GLT8D2: variants seen among roughly 807,000 people sequenced by gnomAD.
The protein encoded by GLT8D2 is glycosyltransferase 8 domain containing 2.
GLT8D2 carries 45 observed loss-of-function variants against 44.5 expected under a neutral mutation model. The observed-to-expected ratio is 1.01, with a 90% CI of 0.80 to 1.30. The LOEUF is 1.30. GLT8D2 is among the 50% of genes most tolerant of loss of function. GLT8D2 has a pLI of 0.00. For missense variants in GLT8D2, 400 were observed against 430.4 expected (o/e 0.93, Z 0.62); for synonymous variants, 156 against 157.2 (o/e 0.99, Z 0.06).
intron 3 of GLT8D2, among the ~76,000 whole-genome samples, chr12:104,017,945 T>C (rs1316583267): frequency 6.6e-6 from 1 of 152,184 alleles, no homozygotes; most frequent in African/African-American, 2.4e-5. Context: ...CAAATGGTTA[T>C]GCATCATTGT....
chr12:104,019,481 G>T, intron 3 of GLT8D2, 149 bp downstream of exon 3: 1 of 659,550 alleles, frequency 1.5e-6, no homozygotes, highest in Non-Finnish European at 2.7e-6. Flanking sequence ...GAATCATCTG[G>T]AAATGATGAT....
intron 1 of GLT8D2, among the ~76,000 whole-genome samples, chr12:104,022,694 T>C (rs1220805248): frequency 6.6e-6 from 1 of 152,044 alleles, no homozygotes; most frequent in African/African-American, 2.4e-5. Context: ...CTACAGAATG[T>C]CAAATCATAC....
intron 4 of GLT8D2, among the ~76,000 whole-genome samples, chr12:104,010,064 G>A (rs1303460690): frequency 1.3e-5 from 2 of 152,026 alleles, no homozygotes; most frequent in Non-Finnish European, 2.9e-5. Context: ...TTTGGACTAA[G>A]TTGTAATCTT....
At chr12:104,051,365 T>C (rs114613098), upstream of GLT8D2, among the ~76,000 whole-genome samples, 466 of 152,332 alleles carry the variant, frequency 3.1e-3, no homozygotes, top group African/African-American at 0.011. Flanking sequence ...TATTTTACTT[T>C]ACCCAATATA....
chr12:104,031,500 A>C lies in GLT8D2; in HGVS notation c.-163-10009T>G, dbSNP rs941532816. The C allele has an allele frequency of 1.5e-5, 24 of 1,612,924 alleles. No homozygotes were observed. The African/African-American group carries it at 3.1e-4, about 21-fold the overall frequency. ...CTGGGGGATGAGGAGACGGTGCGCA[A>C]AGCCATGGAAGCTGTGGCTGCCCAG... is the stretch of plus-strand genomic sequence containing the variant. On this transcript the variant is annotated intron_variant, in intron 1 of 10. Transcript: ENST00000360814.
chr12:103,990,872 A>G (rs541013773), intron 10 of GLT8D2, among the ~76,000 whole-genome samples: 1 of 152,346 alleles, frequency 6.6e-6, no homozygotes, highest in Admixed American at 6.5e-5. Flanking sequence ...CTGAAGGGCT[A>G]TGCAGAACTA....
chr12:103,998,650 C>T (rs10778307), intron 6 of GLT8D2, among the ~76,000 whole-genome samples: 12,888 of 152,122 alleles, frequency 0.085, 846 homozygotes, highest in East Asian at 0.31. Flanking sequence ...CCTCACGATC[C>T]GCCTGCCTCG....
chr12:104,023,647 C>T (rs1349167479), intron 1 of GLT8D2, among the ~76,000 whole-genome samples: 1 of 152,102 alleles, frequency 6.6e-6, no homozygotes, highest in East Asian at 1.9e-4. Context: ...GAGAACAATG[C>T]CAACACTCAA....
chr12:104,010,001 A>G (rs1875608731), intron 4 of GLT8D2, among the ~76,000 whole-genome samples: 1 of 133,144 alleles, frequency 7.5e-6, no homozygotes, highest in Non-Finnish European at 1.6e-5. Flanking sequence ...AATACAAACC[A>G]TGAATTATTT....
chr12:104,023,381 C>T (rs1394951075), intron 1 of GLT8D2, among the ~76,000 whole-genome samples: 1 of 152,132 alleles, frequency 6.6e-6, no homozygotes, highest in Non-Finnish European at 1.5e-5. Flanking sequence ...ATTGAAGAAT[C>T]AGAAAGAGTG....
chr12:104,027,807 T>C (rs779081882), intron 1 of GLT8D2, among the ~76,000 whole-genome samples: 52 of 152,252 alleles, frequency 3.4e-4, no homozygotes, highest in Non-Finnish European at 6.9e-4. Context: ...GGGGCTGGGA[T>C]TAAAAATTAG....
At chr12:104,061,177 A>C (rs975220869) in intron 1 of GLT8D2, among the ~76,000 whole-genome samples, 1 of 152,228 alleles carries the variant, frequency 6.6e-6, no homozygotes, top group African/African-American at 2.4e-5. Flanking sequence ...ATTGTTTCAC[A>C]GCAGCCCTAG....
intron 4 of GLT8D2, among the ~76,000 whole-genome samples, chr12:104,006,007 G>A (rs1033103805): frequency 2.6e-5 from 4 of 152,138 alleles, no homozygotes; most frequent in African/African-American, 7.2e-5. Context: ...TGATAGACTG[G>A]ATTAAGAAAA....
chr12:104,005,748 G>C (rs556888332), intron 4 of GLT8D2, among the ~76,000 whole-genome samples: 3 of 152,338 alleles, frequency 2.0e-5, no homozygotes, highest in African/African-American at 7.2e-5. Context: ...TCCTGGAGAG[G>C]ATGTGGAGAA....
rs913110455 is a variant in GLT8D2, at chr12:104,021,472, C to A, written c.-144G>T. On this transcript the variant is annotated 5_prime_UTR_variant, in exon 2 of 11. Transcript: ENST00000360814. ...ACCTTCTAACCTCAGCCCACCTCCACGCTGCTCTTCCCACAGGACCTAAAG... is the reference window on the plus strand; with the variant it reads ...ACCTTCTAACCTCAGCCCACCTCCAAGCTGCTCTTCCCACAGGACCTAAAG... 1 of 152,564 alleles carries A rather than the reference C, an allele frequency of 6.6e-6. No homozygotes were observed. Among genetic ancestry groups the A allele is most frequent in the Non-Finnish European group, 1.5e-5 (1 of 68,338 alleles). 9.5% of individuals were successfully genotyped at this position (152,564 alleles called of 1,614,324 possible).
At chr12:104,021,959 A>AGAAGAG (rs1228054854) in intron 1 of GLT8D2, among the ~76,000 whole-genome samples, 1 of 15,038 alleles carries the variant, frequency 6.6e-5, no homozygotes, top group African/African-American at 2.2e-4. Context: ...AAGAAGAGGA[A>AGAAGAG]GAAGAGGAAG....
At chr12:104,002,007 A>G (rs1874281334) in intron 5 of GLT8D2, among the ~76,000 whole-genome samples, 1 of 152,014 alleles carries the variant, frequency 6.6e-6, no homozygotes, top group African/African-American at 2.4e-5. Context: ...ACAAGGTCTC[A>G]CTCTGTTGCC....
At chr12:104,004,210 G>A (rs1463194990) in intron 4 of GLT8D2, among the ~76,000 whole-genome samples, 1 of 152,186 alleles carries the variant, frequency 6.6e-6, no homozygotes, top group African/African-American at 2.4e-5. Flanking sequence ...CAATAAATTA[G>A]GCATTGATGG....
chr12:104,061,829 A>C (rs796486486), intron 1 of GLT8D2, among the ~76,000 whole-genome samples: 36 of 151,862 alleles, frequency 2.4e-4, no homozygotes, highest in African/African-American at 8.4e-4. Context: ...ATACAGAATT[A>C]GCCAGGCGTG....
Sources: allele counts gnomAD v4.1 joint callset (sites outside exome capture counted in the v4.1 genomes callset), GRCh38; gene constraint gnomAD v4.1.1; transcripts MANE v1.5; gene names NCBI Gene and HGNC (gene_info 2026-07-23, HGNC 2026-07-21).